Variants in PZP observed in about 807,000 individuals in gnomAD.
PZP encodes pregnancy zone protein.
In PZP, 150 loss-of-function variants were observed where a neutral mutation model predicts 179.8. That is an observed-to-expected ratio of 0.83 (90% CI 0.73 to 0.96). PZP has a LOEUF of 0.96. PZP is among the 40% of genes least tolerant of loss of function. PZP has a pLI of 0.00. For synonymous variants in PZP, 624 were observed against 652.3 expected, an observed-to-expected ratio of 0.96 and a Z score of 0.66; for missense variants, 1,689 against 1,764.0, an observed-to-expected ratio of 0.96 and a Z score of 0.76.
chr12:9,184,451 A>G (rs768268468), intron 13 of PZP, among the ~76,000 whole-genome samples: 3 of 152,230 alleles, frequency 2.0e-5, no homozygotes, highest in Non-Finnish European at 4.4e-5. Flanking sequence ...CACAGTTGCT[A>G]GTGGGGATCC....
Position 9,163,685 on chromosome 12 carries a change from TG to T in PZP, c.2718del (p.Thr908ProfsTer18). On this transcript the variant is annotated frameshift_variant, in exon 21 of 36. Transcript: ENST00000261336. LOFTEE classifies it high-confidence loss of function. Reference protein sequence around the residue: ...VPEIKRKDTVIKTLLVEAEGI... With the variant: ...VPEIKRKDTVXKTLLVEAEGI... ...TATGTTACCTCCACCAACAGGGTTT[TG>T]ATGACTGTGTCTTTTCTTTTAATCT... 6.2e-7 allele frequency: 1 copy of T among 1,613,862 alleles called. No homozygotes were observed. Among genetic ancestry groups the T allele is most frequent in the Non-Finnish European group, 8.5e-7 (1 of 1,179,824 alleles).
intron 27 of PZP, 30 bp downstream of exon 27, chr12:9,157,737 G>C (rs1162572667): frequency 6.3e-7 from 1 of 1,585,192 alleles, no homozygotes; most frequent in African/African-American, 1.3e-5. Context: ...CAGTTTTCAT[G>C]GTAGGGAATG....
intron 30 of PZP, 27 bp from the exon 31 acceptor site, chr12:9,152,978 T>C: frequency 6.2e-7 from 1 of 1,613,722 alleles, no homozygotes; most frequent in Non-Finnish European, 8.5e-7. Context: ...ACACTATCAG[T>C]TTCTCTCTTT....
Position 9,166,131 on chromosome 12 carries a change from C to A in PZP, c.2179G>T (p.Glu727Ter), listed in dbSNP as rs866866614. 4.3e-6 allele frequency: 7 copies of A among 1,613,884 alleles called. No individual in the cohort carries two copies. Among genetic ancestry groups the A allele is most frequent in the Non-Finnish European group, 5.1e-6 (6 of 1,179,988 alleles). ...TCAGGGACTGGCCCTGAACTTTGTTCATTATTTAAGGGTATCACATTATAT... is the reference window on the plus strand; with the variant it reads ...TCAGGGACTGGCCCTGAACTTTGTTAATTATTTAAGGGTATCACATTATAT... ...GTYNVIPLNNEQSSGPVPETV... is the reference protein window; with the variant it reads ...GTYNVIPLNN Residue 727 changes from glutamate to a stop codon, truncating the protein, a stop_gained, in exon 18 of 36, where the codon GAA becomes TAA. Coordinates refer to ENST00000261336, the MANE Select transcript of PZP (RefSeq NM_002864.3). LOFTEE classifies it high-confidence loss of function.
downstream of PZP, among the ~76,000 whole-genome samples, chr12:9,144,280 G>T (rs1490401617): frequency 2.0e-5 from 3 of 152,130 alleles, no homozygotes; most frequent in African/African-American, 7.2e-5. Flanking sequence ...GGTCAGAAGT[G>T]GTCAGGTCTC....
At chr12:9,182,214 T>C in intron 13 of PZP, 97 bp from the exon 14 acceptor site, 3 of 1,162,702 alleles carry the variant, frequency 2.6e-6, no homozygotes, top group Non-Finnish European at 3.5e-6. Context: ...TCTTATCCAC[T>C]TGAGAACTGC....
chr12:9,201,164 C>CAAATACAGAAGGAAGAGA (rs1242488660), intron 5 of PZP, 104 bp from the exon 6 acceptor site: 1 of 1,447,794 alleles, frequency 6.9e-7, no homozygotes, highest in Non-Finnish European at 9.5e-7. Context: ...TCTGGAAAGA[C>CAAATACAGAAGGAAGAGA]AAATACAGAA....
intron 11 of PZP, among the ~76,000 whole-genome samples, chr12:9,193,131 A>G (rs1430094014): frequency 5.9e-5 from 9 of 152,208 alleles, no homozygotes. Flanking sequence ...TTACCTTATG[A>G]GCTTCAAAAT....
intron 8 of PZP, 37 bp from the exon 9 acceptor site, chr12:9,196,722 A>T: frequency 6.7e-7 from 1 of 1,485,162 alleles, no homozygotes; most frequent in South Asian, 1.1e-5. Context: ...TGTCAAACTG[A>T]TTGAGATCAA....
At chr12:9,181,822 A>T (rs963961565) in intron 14 of PZP, among the ~76,000 whole-genome samples, 153 bp downstream of exon 14, 1 of 152,224 alleles carries the variant, frequency 6.6e-6, no homozygotes, top group Admixed American at 6.5e-5. Context: ...GTGCTGTACT[A>T]GATCCCTAGA....
chr12:9,155,506 T>C (rs1940687651), intron 28 of PZP, among the ~76,000 whole-genome samples: 1 of 152,174 alleles, frequency 6.6e-6, no homozygotes, highest in Non-Finnish European at 1.5e-5. Flanking sequence ...TTGTTGTTGT[T>C]GTTGTTTTTG....
At chr12:9,200,231 G>A (rs149581687) in intron 7 of PZP, 133 bp downstream of exon 7, 190 of 521,832 alleles carry the variant, frequency 3.6e-4, no homozygotes, top group African/African-American at 2.9e-3. Flanking sequence ...ATAGTAAGTC[G>A]TTAAATAAAG....
Position 9,159,928 on chromosome 12 carries a change from T to G in PZP, c.3137+10A>C. ...CATAGTTGAAACTCAGAATAGATTT[T>G]CTTTCTTACCAAGTGTTGCCCTGGT... On this transcript the variant is annotated intron_variant, in intron 25 of 35. Transcript: ENST00000261336. 6.3e-7 allele frequency: 1 copy of G among 1,599,014 alleles called. No individual in the cohort carries two copies. The highest frequency in any genetic ancestry group is 1.7e-4 in the Middle Eastern group (1 of 6,018).
intron 2 of PZP, 40 bp downstream of exon 2, chr12:9,203,728 G>A (rs781163063): frequency 3.2e-5 from 51 of 1,603,036 alleles, no homozygotes; most frequent in Admixed American, 1.0e-4. Flanking sequence ...TCAATAAAAT[G>A]TATCAAGCAG....
rs1014566561 is a variant in PZP at position 9,170,856 on chromosome 12, C to A, written c.1840-1265G>T. ...ACAGAGCTTTGATCTCTCCCTGGGACCGAGCTCCTGGGGGGCAGGGGTGTC... is the reference window on the plus strand; with the variant it reads ...ACAGAGCTTTGATCTCTCCCTGGGAACGAGCTCCTGGGGGGCAGGGGTGTC... On this transcript the variant is annotated intron_variant, in intron 15 of 35. Transcript: ENST00000261336. The surrounding 1 kb of genome is among the most constrained non-coding windows in gnomAD (Gnocchi z 4.6). Among the ~76,000 whole-genome samples the A allele has an allele frequency of 2.0e-5, 3 of 152,122 alleles. No individual in the cohort carries two copies. Among genetic ancestry groups the A allele is most frequent in the Non-Finnish European group, 4.4e-5 (3 of 68,018 alleles).
chr12:9,139,846 A>C, the PZP span, among the ~76,000 whole-genome samples: 1 of 130,212 alleles, frequency 7.7e-6, no homozygotes, highest in Admixed American at 7.4e-5. Flanking sequence ...GGGGATTCTG[A>C]CCAATTTTTG....
chr12:9,170,337 C>A lies in PZP; in HGVS notation c.1840-746G>T, dbSNP rs1402527857. On this transcript the variant is annotated intron_variant, in intron 15 of 35. Transcript: ENST00000261336. This position sits in a 1 kb window ranked among gnomAD's most constrained non-coding sequence, Gnocchi z 4.6. ...CCACCAGGGTCTTGGGTCTGATACA[C>A]AAAGCTATGTGGAGTCTTGGCAGAG... 1.3e-5 allele frequency among the ~76,000 whole-genome samples: 2 copies of A among 152,174 alleles called. No individual in the cohort carries two copies. The highest frequency in any genetic ancestry group is 1.3e-4 in the Admixed American group (2 of 15,290).
chr12:9,142,728 T>C, the PZP span, among the ~76,000 whole-genome samples: 1 of 152,210 alleles, frequency 6.6e-6, no homozygotes, highest in African/African-American at 2.4e-5. Context: ...GGTGAGGCCC[T>C]TTAAGAACAG....
intron 20 of PZP, 48 bp from the exon 21 acceptor site, chr12:9,163,837 A>G (rs746312317): frequency 1.3e-6 from 2 of 1,588,452 alleles, no homozygotes; most frequent in South Asian, 1.2e-5. Context: ...TGATAGTCCA[A>G]TCACCTTTAA....
Sources: allele counts gnomAD v4.1 joint callset (sites outside exome capture counted in the v4.1 genomes callset), GRCh38; gene constraint gnomAD v4.1.1; non-coding constraint Gnocchi (gnomAD v3.1); transcripts MANE v1.5; gene names NCBI Gene and HGNC (gene_info 2026-07-23, HGNC 2026-07-21).